Variants in PATJ observed in about 807,000 individuals in gnomAD.
PATJ encodes inaD-like protein.
A neutral mutation model predicts 224.9 loss-of-function variants in PATJ; 190 were observed. That is an observed-to-expected ratio of 0.84 (90% CI 0.75 to 0.95). The LOEUF (loss-of-function observed/expected upper bound fraction) is 0.95. Among genes scored for constraint, PATJ ranks in the 40% least tolerant of loss-of-function variants. PATJ has a pLI of 0.00. For missense variants in PATJ, 2,121 were observed against 2,270.3 expected, an observed-to-expected ratio of 0.93 and a Z score of 1.34; for synonymous variants, 769 against 820.3, an observed-to-expected ratio of 0.94 and a Z score of 1.07.
intron 28 of PATJ, among the ~76,000 whole-genome samples, chr1:62,009,453 A>G (rs1283259043): frequency 6.6e-6 from 1 of 152,216 alleles, no homozygotes; most frequent in Non-Finnish European, 1.5e-5. Flanking sequence ...ATTGCTAACG[A>G]TCATCTAAGC....
chr1:62,126,769 A>G (rs1264485592), intron 39 of PATJ, among the ~76,000 whole-genome samples: 1 of 152,218 alleles, frequency 6.6e-6, no homozygotes, highest in Non-Finnish European at 1.5e-5. Context: ...CATAAACACC[A>G]TATGAGAACA....
rs994294539 is a variant in PATJ at position 62,162,600 on chromosome 1, T to G, written c.*1546T>G. ...ATTATTGGCAATCTTATTCATATATTAGCAAGAAAAAGGGAGAGATGCTTA... is the reference window on the plus strand; with the variant it reads ...ATTATTGGCAATCTTATTCATATATGAGCAAGAAAAAGGGAGAGATGCTTA... On this transcript the variant is annotated 3_prime_UTR_variant, in exon 44 of 44. Transcript: ENST00000642238. The G allele has an allele frequency of 1.3e-5, 2 of 152,166 alleles. No individual in the cohort carries two copies. The highest frequency in any genetic ancestry group is 4.8e-5 in the African/African-American group (2 of 41,410). 9.4% of individuals were successfully genotyped at this position (152,166 alleles called of 1,614,324 possible).
intron 42 of PATJ, among the ~76,000 whole-genome samples, chr1:62,149,791 T>C (rs141277982): frequency 6.0e-4 from 83 of 139,108 alleles, no homozygotes; most frequent in Middle Eastern, 7.2e-3. Flanking sequence ...ATCCCACCAC[T>C]GCTAACACTG....
chr1:61,773,188 A>AT (rs1161265588), intron 6 of PATJ, among the ~76,000 whole-genome samples: 1 of 151,700 alleles, frequency 6.6e-6, no homozygotes, highest in African/African-American at 2.4e-5. Context: ...CACCCGGCTA[A>AT]TTTTTTTGTA....
intron 29 of PATJ, among the ~76,000 whole-genome samples, chr1:62,020,906 A>G (rs1647040877): frequency 6.6e-6 from 1 of 152,108 alleles, no homozygotes; most frequent in African/African-American, 2.4e-5. Context: ...GCACACTGCA[A>G]CCACTGCCTC....
chr1:61,890,948 G>A (rs1669524116), intron 22 of PATJ, among the ~76,000 whole-genome samples: 1 of 152,084 alleles, frequency 6.6e-6, no homozygotes, highest in African/African-American at 2.4e-5. Flanking sequence ...TGATGTTGGT[G>A]GCAGTGACAA....
intron 21 of PATJ, among the ~76,000 whole-genome samples, chr1:61,880,488 A>G (rs1265844874): frequency 2.0e-5 from 3 of 152,254 alleles, no homozygotes; most frequent in Non-Finnish European, 2.9e-5. Flanking sequence ...GATGGGAAAC[A>G]AAACAAAATA....
intron 1 of PATJ, among the ~76,000 whole-genome samples, chr1:61,749,290 G>A (rs1645195460): frequency 6.6e-6 from 1 of 152,070 alleles, no homozygotes; most frequent in African/African-American, 2.4e-5. Context: ...GCAGGCGTGA[G>A]CCACCACACC....
chr1:61,748,954 A>G (rs1645174763), intron 1 of PATJ, among the ~76,000 whole-genome samples: 1 of 151,934 alleles, frequency 6.6e-6, no homozygotes, highest in Non-Finnish European at 1.5e-5. Flanking sequence ...TATCCTCTTT[A>G]GTGTTTGCAG....
chr1:62,105,812 A>C (rs566902668), intron 33 of PATJ, among the ~76,000 whole-genome samples: 4 of 151,958 alleles, frequency 2.6e-5, no homozygotes, highest in Non-Finnish European at 5.9e-5. Flanking sequence ...TTAGCATTGT[A>C]AAAGTATTTG....
intron 22 of PATJ, among the ~76,000 whole-genome samples, chr1:61,892,644 G>A (rs2149113789): frequency 6.6e-6 from 1 of 152,250 alleles, no homozygotes; most frequent in Non-Finnish European, 1.5e-5. Context: ...AGAGGCAAAA[G>A]TTCAGTTCAT....
rs557147706 is a variant in PATJ, at chr1:61,832,179, T to C, written c.1981-1475T>C. 1.8e-4 allele frequency among the ~76,000 whole-genome samples: 27 copies of C among 151,586 alleles called. No individual in the cohort carries two copies. The South Asian group carries it at 5.0e-3, about 28-fold the overall frequency. On this transcript the variant is annotated intron_variant, in intron 16 of 43. Coordinates refer to ENST00000642238, the MANE Select transcript of PATJ (RefSeq NM_001350145.3). ...ATATACGCTGGGGCCTACTTGGGGG[T>C]AGAGGGTAGAAGGAGGGTGGGGATG...
chr1:62,094,018 A>G (rs537213893), intron 33 of PATJ, among the ~76,000 whole-genome samples: 1 of 152,188 alleles, frequency 6.6e-6, no homozygotes, highest in Admixed American at 6.5e-5. Context: ...TTTATTTCAC[A>G]TATTAGTTAC....
At chr1:61,928,109 C>T (rs1184275151) in intron 27 of PATJ, among the ~76,000 whole-genome samples, 1 of 152,110 alleles carries the variant, frequency 6.6e-6, no homozygotes, top group Non-Finnish European at 1.5e-5. Flanking sequence ...AAAAATGTCC[C>T]TAGTCTTTGA....
chr1:62,084,113 G>C (rs1288303346), intron 32 of PATJ, among the ~76,000 whole-genome samples: 1 of 152,158 alleles, frequency 6.6e-6, no homozygotes, highest in Non-Finnish European at 1.5e-5. Context: ...AATTAGCCAG[G>C]CATGGTGGTG....
chr1:61,801,164 C>T (rs941789739), intron 11 of PATJ, among the ~76,000 whole-genome samples: 2 of 152,144 alleles, frequency 1.3e-5, no homozygotes, highest in Admixed American at 1.3e-4. Context: ...TACTGTCTTC[C>T]ACTGTGGGTG....
intron 39 of PATJ, 118 bp downstream of exon 39, chr1:62,123,176 T>A: frequency 2.9e-6 from 2 of 700,248 alleles, no homozygotes; most frequent in African/African-American, 1.8e-5. Flanking sequence ...GTTACTGAGA[T>A]AAAAATATGG....
intron 17 of PATJ, among the ~76,000 whole-genome samples, chr1:61,845,459 T>G (rs1274821132): frequency 6.6e-6 from 1 of 152,220 alleles, no homozygotes; most frequent in South Asian, 2.1e-4. Context: ...TAAAAGCTTT[T>G]CTTCAGATTA....
At chr1:61,768,670 C>T (rs1857465) in intron 4 of PATJ, among the ~76,000 whole-genome samples, 39,321 of 151,532 alleles carry the variant, frequency 0.26, 5,585 homozygotes, top group South Asian at 0.44. Flanking sequence ...GAGGCTGAGG[C>T]GGGTGGATCG....
Sources: allele counts gnomAD v4.1 joint callset (sites outside exome capture counted in the v4.1 genomes callset), GRCh38; gene constraint gnomAD v4.1.1; transcripts MANE v1.5; gene names NCBI Gene and HGNC (gene_info 2026-07-23, HGNC 2026-07-21).